The following BRAF variants were observed in gnomAD, a reference collection of about 807,000 sequenced individuals.
BRAF encodes B-Raf proto-oncogene, serine/threonine kinase, also known as serine/threonine-protein kinase B-raf.
BRAF carries 16 observed loss-of-function variants against 104.6 expected under a neutral mutation model. The observed-to-expected ratio is 0.15, with a 90% confidence interval of 0.10 to 0.23. The LOEUF is 0.23. Among genes scored for constraint, BRAF ranks in the 10% least tolerant of loss-of-function variants. The pLI is 1.00. For synonymous variants in BRAF, 310 were observed against 341.6 expected (o/e 0.91, Z 1.02); for missense variants, 541 against 937.3 (o/e 0.58, Z 5.52).
chr7:140,723,838 A>G lies in BRAF; in HGVS notation c.*2656T>C. 4 of 1,046,276 alleles carry G rather than the reference A, an allele frequency of 3.8e-6. No homozygotes were observed. The highest frequency in any genetic ancestry group is 4.6e-6 in the Non-Finnish European group (4 of 867,268). The allele number at this position is 1,046,276 out of a possible 1,614,324, so 64.8% of individuals were successfully genotyped here. A position where few individuals can be genotyped will look rare whatever the true frequency, so the allele number is the denominator to read the frequency against. ...ATTACTCATAAAGTGCTTTTCACAA[A>G]TAAGGACTTCTTCCTCGTTTTTTTA... On this transcript the variant is annotated 3_prime_UTR_variant, in exon 20 of 20. Transcript: ENST00000644969.
intron 11 of BRAF, 83 bp downstream of exon 10, chr7:140,782,938 T>A (rs1801018932): frequency 7.4e-6 from 11 of 1,492,770 alleles, no homozygotes; most frequent in Middle Eastern, 2.4e-4. Context: ...ATGGACATAA[T>A]ATATCTAAAG....
intron 1 of BRAF, among the ~76,000 whole-genome samples, chr7:140,898,911 A>C (rs1303664224): frequency 1.3e-5 from 2 of 152,166 alleles, no homozygotes; most frequent in Non-Finnish European, 2.9e-5. Flanking sequence ...GGTATGACTA[A>C]TGTATTTGTG....
intron 1 of BRAF, among the ~76,000 whole-genome samples, chr7:140,909,509 C>A (rs1816730440): frequency 6.6e-6 from 1 of 152,124 alleles, no homozygotes; most frequent in African/African-American, 2.4e-5. Flanking sequence ...ATAAATAACA[C>A]ACTGATGGTA....
At chr7:140,837,423 G>C (rs1204658220) in intron 2 of BRAF, among the ~76,000 whole-genome samples, 1 of 152,148 alleles carries the variant, frequency 6.6e-6, no homozygotes, top group African/African-American at 2.4e-5. Context: ...CAGTTGCTAA[G>C]ATTTGGCCAT....
chr7:140,777,760 TAC>T (rs1453508612), intron 13 of BRAF, among the ~76,000 whole-genome samples: 4 of 152,232 alleles, frequency 2.6e-5, no homozygotes, highest in Non-Finnish European at 4.4e-5. Flanking sequence ...CAGAATACTA[TAC>T]TTCCATTAAT....
chr7:140,850,090 A>G (rs770546168), intron 2 of BRAF, 21 bp downstream of exon 2: 5 of 1,517,536 alleles, frequency 3.3e-6, no homozygotes, highest in East Asian at 4.5e-5. Flanking sequence ...AAATTACTAG[A>G]TATGATACTC....
chr7:140,762,420 G>T (rs1798828704), intron 14 of BRAF, among the ~76,000 whole-genome samples: 1 of 152,100 alleles, frequency 6.6e-6, no homozygotes, highest in South Asian at 2.1e-4. Flanking sequence ...AGCACTAAAT[G>T]CCCACAAGAG....
At chr7:140,787,440 C>T (rs1801502594) in intron 9 of BRAF, 108 bp downstream of exon 9, 2 of 1,231,012 alleles carry the variant, frequency 1.6e-6, no homozygotes, top group South Asian at 1.3e-5. Context: ...TTTCTCTACA[C>T]ATTTTTCTCT....
chr7:140,721,566 A>C lies in BRAF; in HGVS notation c.*4928T>G. 6.6e-7 allele frequency: 1 copy of C among 1,509,686 alleles called. No homozygotes were observed. Among genetic ancestry groups the C allele is most frequent in the Non-Finnish European group, 8.8e-7 (1 of 1,135,434 alleles). The allele number at this position is 1,509,686 out of a possible 1,614,324, so 93.5% of individuals were successfully genotyped here. ...AATTTTACCAGAGCTAGCAACATGG[A>C]CCACAGATATACTGGTGACTCCGCT... On this transcript the variant is annotated 3_prime_UTR_variant, in exon 20 of 20. Transcript: ENST00000644969.
chr7:140,809,936 T>TC (rs1804062638), intron 3 of BRAF, among the ~76,000 whole-genome samples: 1 of 152,076 alleles, frequency 6.6e-6, no homozygotes, highest in Non-Finnish European at 1.5e-5. Flanking sequence ...CCTTGCCTCA[T>TC]CCCCCACAGG....
rs1320309702 is a variant in BRAF, at chr7:140,814,758, TATATATTATATATAAC to T, written c.505-5779_505-5764del. On this transcript the variant is annotated intron_variant, in intron 3 of 19. Coordinates refer to ENST00000644969, the MANE Select transcript of BRAF (RefSeq NM_001374258.1). ...CATAATTTATATACAATATATAACA[TATATATTATATATAAC>T]ATATATATTATATATAACATATATA... Among the ~76,000 whole-genome samples, 1,124 of 144,536 alleles carry T rather than the reference TATATATTATATATAAC, an allele frequency of 7.8e-3. 28 individuals are homozygous for T. Among genetic ancestry groups the T allele is most frequent in the African/African-American group, 0.027 (1,060 of 39,172 alleles). 94.8% of individuals were successfully genotyped at this position (144,536 alleles called of 152,430 possible). A position where few individuals can be genotyped will look rare whatever the true frequency, so the allele number is the denominator to read the frequency against.
At chr7:140,794,531 A>C (rs1215640783) in intron 7 of BRAF, 64 bp from the exon 8 acceptor site, 1 of 1,543,468 alleles carries the variant, frequency 6.5e-7, no homozygotes, top group Non-Finnish European at 8.9e-7. Context: ...ATAATATTTA[A>C]AAAGGAAGAT....
At chr7:140,870,303 TC>T (rs1811433021) in intron 1 of BRAF, among the ~76,000 whole-genome samples, 1 of 152,092 alleles carries the variant, frequency 6.6e-6, no homozygotes, top group Non-Finnish European at 1.5e-5. Context: ...AGTTAATAAT[TC>T]CTTACATGTA....
intron 12 of BRAF, among the ~76,000 whole-genome samples, chr7:140,778,636 A>AT (rs1800553661): frequency 6.6e-6 from 1 of 152,116 alleles, no homozygotes; most frequent in African/African-American, 2.4e-5. Context: ...AGCATGGCAC[A>AT]TGTATATATA....
In BRAF at chr7:140,810,561, T is replaced by C. The variant is rs569799443; in HGVS notation, c.505-1566A>G. Reference sequence around the variant, plus strand: ...TTCCAGCCTGGGTGACAGAGCGAGATACTGTCACAAACAAACAAAGAAAAA... The same window carrying C: ...TTCCAGCCTGGGTGACAGAGCGAGACACTGTCACAAACAAACAAAGAAAAA... On this transcript the variant is annotated intron_variant, in intron 3 of 19. Coordinates refer to ENST00000644969, the MANE Select transcript of BRAF (RefSeq NM_001374258.1). 4.6e-5 allele frequency among the ~76,000 whole-genome samples: 7 copies of C among 152,146 alleles called. No homozygotes were observed. In the South Asian group the frequency reaches 8.3e-4, roughly 18 times the overall value.
intron 1 of BRAF, among the ~76,000 whole-genome samples, chr7:140,858,404 C>T (rs374758960): frequency 6.6e-6 from 1 of 152,208 alleles, no homozygotes; most frequent in Admixed American, 6.5e-5. Flanking sequence ...GATTGTGGAA[C>T]ATTCTCTAAG....
intron 17 of BRAF, among the ~76,000 whole-genome samples, chr7:140,748,239 A>G (rs964939248): frequency 6.6e-6 from 1 of 152,232 alleles, no homozygotes; most frequent in African/African-American, 2.4e-5. Flanking sequence ...CAAAACAGAC[A>G]AATCACTTAA....
intron 1 of BRAF, among the ~76,000 whole-genome samples, chr7:140,907,706 G>C (rs532783717): frequency 1.3e-5 from 2 of 151,808 alleles, no homozygotes; most frequent in South Asian, 4.2e-4. Context: ...TCCCACCTCA[G>C]TCTCCCAAAG....
At position 140,869,636 on chromosome 7, in the gene BRAF, C is replaced by CA. The variant is rs56186470; in HGVS notation, c.139-19425dup. Among the ~76,000 whole-genome samples the CA allele has an allele frequency of 1.7e-3, 161 of 94,368 alleles. 1 individual carries two copies. The highest frequency in any genetic ancestry group is 2.2e-3 in the African/African-American group (53 of 24,286). The allele number at this position is 94,368 out of a possible 152,430, so 61.9% of individuals were successfully genotyped here. On this transcript the variant is annotated intron_variant, in intron 1 of 19. Transcript: ENST00000644969. ...CAGCAGACTGAGACTCTGTCTCAAA[C>CA]AAAAAAAAAAAAAGAAAAAAAAATC... is the stretch of plus-strand genomic sequence containing the variant.
Sources: allele counts gnomAD v4.1 joint callset (sites outside exome capture counted in the v4.1 genomes callset), GRCh38; gene constraint gnomAD v4.1.1; transcripts MANE v1.5; gene names NCBI Gene and HGNC (gene_info 2026-07-23, HGNC 2026-07-21).